The following NRL variants were observed in gnomAD, a reference collection of about 807,000 sequenced individuals.
NRL encodes the protein neural retina-specific leucine zipper protein.
In NRL, 16 loss-of-function variants were observed where a neutral mutation model predicts 12.5. The ratio of observed to expected loss-of-function variants is 1.28; its 90% CI spans 0.87 to 1.95. The LOEUF is 1.95. Among genes scored for constraint, NRL ranks in the 30% most tolerant of loss-of-function variants. The probability of loss-of-function intolerance (pLI) is 0.00; values close to 1 mark genes in which losing one functional copy is unlikely to be tolerated. For missense variants in NRL, 314 were observed against 325.8 expected (o/e 0.96, Z 0.28); for synonymous variants, 142 against 150.9 (o/e 0.94, Z 0.43).
Position 24,081,098 on chromosome 14 carries a change from G to A in NRL, c.*138C>T. ...CATGACTTGAGGACCCAAAAGCTTT[G>A]GGGATATTTGCGCGGTCATACAGGG... On this transcript the variant is annotated 3_prime_UTR_variant, in exon 3 of 3. Coordinates refer to ENST00000561028, the MANE Select transcript of NRL (RefSeq NM_001354768.3). The surrounding 1 kb of genome is among the most constrained non-coding windows in gnomAD (Gnocchi z 4.4). 2.0e-6 allele frequency: 1 copy of A among 507,258 alleles called. No homozygotes were observed. 31.4% of individuals were successfully genotyped at this position (507,258 alleles called of 1,614,324 possible).
intron 1 of NRL, among the ~76,000 whole-genome samples, chr14:24,102,043 T>C (rs1253485092): frequency 6.6e-6 from 1 of 150,820 alleles, no homozygotes; most frequent in African/African-American, 2.4e-5. Context: ...CTGGCCAACA[T>C]GGTGAAACCC....
Position 24,094,579 on chromosome 14 carries a change from G to C in NRL, c.-27-11704C>G, listed in dbSNP as rs2036770422. 1 of 1,449,466 alleles carries C rather than the reference G, an allele frequency of 6.9e-7. No individual in the cohort carries two copies. Among genetic ancestry groups the C allele is most frequent in the African/African-American group, 1.4e-5 (1 of 70,154 alleles). 89.8% of individuals were successfully genotyped at this position (1,449,466 alleles called of 1,614,324 possible). On this transcript the variant is annotated intron_variant, in intron 1 of 2. Coordinates refer to ENST00000561028, the MANE Select transcript of NRL (RefSeq NM_001354768.3). This position sits in a 1 kb window ranked among gnomAD's most constrained non-coding sequence, Gnocchi z 4.1. ...GGCAGGGGCGACTGCTGTGGGTCCA[G>C]CCTCCCGCGCCGCGCGTCTCTTGGG...
chr14:24,095,692 A>G (rs537240702), intron 1 of NRL, among the ~76,000 whole-genome samples: 34 of 152,282 alleles, frequency 2.2e-4, no homozygotes, highest in Admixed American at 7.2e-4. Flanking sequence ...GGAGAGTAAC[A>G]TCCCCTTCAT....
At chr14:24,099,000 C>T (rs1364381917) in intron 1 of NRL, 5 of 1,453,202 alleles carry the variant, frequency 3.4e-6, no homozygotes, top group Non-Finnish European at 4.8e-6. Context: ...CCCCGACACC[C>T]CAGTTCCTGA....
intron 1 of NRL, chr14:24,102,687 C>T (rs901053875): frequency 2.2e-6 from 3 of 1,363,740 alleles, no homozygotes; most frequent in Non-Finnish European, 1.0e-6. Flanking sequence ...AATGTGTGCC[C>T]ATGTATGTGT....
At position 24,081,801 on chromosome 14, in the gene NRL, A is replaced by G. The variant is rs1274220303; in HGVS notation, c.382-233T>C. ...CAGTCAGGCGGGCGCCCCACGGTGC[A>G]GGGCCGGCCACGGTCAGGCGAGCCC... On this transcript the variant is annotated intron_variant, in intron 2 of 2. Coordinates refer to ENST00000561028, the MANE Select transcript of NRL (RefSeq NM_001354768.3). This position sits in a 1 kb window ranked among gnomAD's most constrained non-coding sequence, Gnocchi z 4.4. The G allele has an allele frequency of 2.0e-6, 3 of 1,485,158 alleles. No homozygotes were observed. The highest frequency in any genetic ancestry group is 2.7e-6 in the Non-Finnish European group (3 of 1,122,842). The allele number at this position is 1,485,158 out of a possible 1,614,324, so 92.0% of individuals were successfully genotyped here. A position where few individuals can be genotyped will look rare whatever the true frequency, so the allele number is the denominator to read the frequency against.
chr14:24,114,653 G>A (rs747507471), intron 1 of NRL, 69 bp downstream of exon 1: 23 of 984,096 alleles, frequency 2.3e-5, no homozygotes, highest in Non-Finnish European at 2.8e-5. Flanking sequence ...TCCCCAGCAA[G>A]AGCTAACAGC....
chr14:24,078,710 G>A lies in NRL; in HGVS notation c.*2526C>T, dbSNP rs2036192504. Among the ~76,000 whole-genome samples, 1 of 152,158 alleles carries A rather than the reference G, an allele frequency of 6.6e-6. No individual in the cohort carries two copies. The highest frequency in any genetic ancestry group is 2.4e-5 in the African/African-American group (1 of 41,404). On this transcript the variant is annotated 3_prime_UTR_variant, in exon 3 of 3. Transcript: ENST00000561028. ...CTTTATGCTAAGTGCTTATTTAAAT[G>A]CATTTATTCTCAGTAGGTGGTTACC...
At chr14:24,098,489 GT>G in intron 1 of NRL, 1 of 1,614,084 alleles carries the variant, frequency 6.2e-7, no homozygotes, top group South Asian at 1.1e-5. Flanking sequence ...CACCATGTAT[GT>G]GCTTCCATTC....
At position 24,081,406 on chromosome 14, in the gene NRL, G is replaced by A. The variant is rs901811301; in HGVS notation, c.544C>T (p.Gln182Ter). 7.3e-6 allele frequency: 11 copies of A among 1,500,156 alleles called. No individual in the cohort carries two copies. The highest frequency in any genetic ancestry group is 8.0e-6 in the Non-Finnish European group (9 of 1,127,054). The allele number at this position is 1,500,156 out of a possible 1,614,324, so 92.9% of individuals were successfully genotyped here. A position where few individuals can be genotyped will look rare whatever the true frequency, so the allele number is the denominator to read the frequency against. ...YAQACRSKRL[Q>*]QRRGLEAERA... is the part of the protein sequence containing the mutation. ...TCGGCCTCCAGCCCGCGCCGCTGCT[G>A]CAGCCGCTTGGAGCGACAGGCCTGC... Residue 182 changes from glutamine (Q) to a stop codon, truncating the protein, a stop_gained, in exon 3 of 3, where the codon CAG (glutamine) becomes TAG (stop). Transcript: ENST00000561028. LOFTEE classifies it high-confidence loss of function. The surrounding 1 kb of genome is among the most constrained non-coding windows in gnomAD (Gnocchi z 4.4).
chr14:24,099,371 C>A, intron 1 of NRL: 1 of 1,045,200 alleles, frequency 9.6e-7, no homozygotes, highest in Non-Finnish European at 1.4e-6. Context: ...AGGCCCAAAG[C>A]TTTGGCCTCA....
chr14:24,111,112 T>C (rs986607438), intron 1 of NRL, among the ~76,000 whole-genome samples: 1 of 152,088 alleles, frequency 6.6e-6, no homozygotes, highest in Non-Finnish European at 1.5e-5. Context: ...CCCAAGTAAG[T>C]TGGGACCATA....
In NRL at chr14:24,094,323, G is replaced by A. The variant is rs1451363418; in HGVS notation, c.-27-11448C>T. On this transcript the variant is annotated intron_variant, in intron 1 of 2. Coordinates refer to ENST00000561028, the MANE Select transcript of NRL (RefSeq NM_001354768.3). The surrounding 1 kb of genome is among the most constrained non-coding windows in gnomAD (Gnocchi z 4.1). The stretch of plus-strand genomic sequence containing the variant: ...GCCAGCCTCTGCTGTGGCTCGCTTC[G>A]CCGCGCTCCCTCCTTCCCCGCCTTC... The A allele has an allele frequency of 4.3e-6, 6 of 1,383,822 alleles. No homozygotes were observed. The African/African-American group carries it at 7.4e-5, about 17-fold the overall frequency. The allele number at this position is 1,383,822 out of a possible 1,614,324, so 85.7% of individuals were successfully genotyped here. A position where few individuals can be genotyped will look rare whatever the true frequency, so the allele number is the denominator to read the frequency against.
At chr14:24,093,578 T>A (rs2036709191) in intron 1 of NRL, 1 of 152,238 alleles carries the variant, frequency 6.6e-6, no homozygotes, top group African/African-American at 2.4e-5. Flanking sequence ...ACTCTGCAGG[T>A]TGAGACAGGA....
At chr14:24,106,346 T>A (rs535008027) in intron 1 of NRL, among the ~76,000 whole-genome samples, 2 of 152,178 alleles carry the variant, frequency 1.3e-5, no homozygotes, top group African/African-American at 4.8e-5. Context: ...AGTGTTCTCA[T>A]AGGAAATGCC....
At chr14:24,108,623 C>A (rs1046050185) in intron 1 of NRL, among the ~76,000 whole-genome samples, 1 of 151,974 alleles carries the variant, frequency 6.6e-6, no homozygotes, top group Non-Finnish European at 1.5e-5. Flanking sequence ...TGAGCCACTA[C>A]CCCGGGCCAC....
chr14:24,082,179 C>G, intron 2 of NRL: 1 of 604,684 alleles, frequency 1.7e-6, no homozygotes, highest in East Asian at 1.4e-4. Context: ...TGTTTACCCC[C>G]CGGAGTCGCC....
At chr14:24,103,959 A>G in intron 1 of NRL, 2 of 1,612,156 alleles carry the variant, frequency 1.2e-6, no homozygotes, top group Non-Finnish European at 1.7e-6. Flanking sequence ...TGTGCACAAA[A>G]TGTGACCTGA....
chr14:24,103,980 T>C, intron 1 of NRL: 3 of 1,595,482 alleles, frequency 1.9e-6, no homozygotes, highest in Non-Finnish European at 2.6e-6. Context: ...GGCCCTAGTC[T>C]AGCAAGAGGA....
Sources: gnomAD v4.1 joint callset for allele counts (sites outside exome capture counted in the v4.1 genomes callset) on GRCh38, gnomAD v4.1.1 for gene constraint, Gnocchi (gnomAD v3.1) non-coding constraint, MANE v1.5 for transcripts, NCBI Gene and HGNC (gene_info 2026-07-23, HGNC 2026-07-21) for gene names.